The following SCN9A variants were observed in gnomAD, a reference collection of about 807,000 sequenced individuals.
SCN9A encodes sodium channel protein type 9 subunit alpha.
SCN9A carries 131 observed loss-of-function variants against 187.0 expected under a neutral mutation model. The ratio of observed to expected loss-of-function variants is 0.70; its 90% CI spans 0.61 to 0.81. The LOEUF is 0.81. SCN9A is among the 30% of genes least tolerant of loss of function. The pLI is 0.00. For synonymous variants in SCN9A, 809 were observed against 808.6 expected, an observed-to-expected ratio of 1.00 and a Z score of -0.01; for missense variants, 2,252 against 2,396.6, an observed-to-expected ratio of 0.94 and a Z score of 1.26.
At chr2:166,346,753 G>A (rs976254243) in intron 1 of SCN9A, among the ~76,000 whole-genome samples, 6 of 152,250 alleles carry the variant, frequency 3.9e-5, no homozygotes, top group South Asian at 2.1e-4. Flanking sequence ...TCTCTAAAGC[G>A]TGGGTTCAGG....
chr2:166,363,545 A>G (rs997011067), intron 1 of SCN9A, among the ~76,000 whole-genome samples: 4 of 152,114 alleles, frequency 2.6e-5, no homozygotes, highest in African/African-American at 9.6e-5. Context: ...AAAAAACAGA[A>G]CAAAACAAAA....
Position 166,227,569 on chromosome 2 carries a change from G to T in SCN9A, c.4260+101C>A, listed in dbSNP as rs114433542. 6.1e-3 allele frequency: 4,542 copies of T among 740,454 alleles called. 165 individuals are homozygous for T. The African/African-American group carries it at 0.072, about 12-fold the overall frequency. The allele number at this position is 740,454 out of a possible 1,614,324, so 45.9% of individuals were successfully genotyped here. A position where few individuals can be genotyped will look rare whatever the true frequency, so the allele number is the denominator to read the frequency against. On this transcript the variant is annotated intron_variant, in intron 23 of 26. Transcript: ENST00000642356. ...CAGGTGGATGTTCTTCATTGTCTAT[G>T]TGAGTCCCAAGGGCTTCATGAAGTT... is the stretch of plus-strand genomic sequence containing the variant.
chr2:166,267,801 T>A (rs1207676720), intron 17 of SCN9A, among the ~76,000 whole-genome samples: 1 of 151,948 alleles, frequency 6.6e-6, no homozygotes, highest in Non-Finnish European at 1.5e-5. Context: ...TTGTATGTGT[T>A]GAGTAATTTA....
At chr2:166,336,213 A>T (rs1291768163) in intron 1 of SCN9A, among the ~76,000 whole-genome samples, 3 of 152,142 alleles carry the variant, frequency 2.0e-5, no homozygotes, top group African/African-American at 4.8e-5. Context: ...TCTCATTTGT[A>T]GAGGTAAACA....
chr2:166,311,974 G>A (rs1308234252), intron 1 of SCN9A, among the ~76,000 whole-genome samples, 168 bp from the exon 2 acceptor site: 1 of 152,080 alleles, frequency 6.6e-6, no homozygotes, highest in Admixed American at 6.5e-5. Flanking sequence ...CAATGGGCGG[G>A]ACTTATCTTT....
intron 20 of SCN9A, among the ~76,000 whole-genome samples, chr2:166,233,992 C>G (rs1327514395): frequency 6.6e-6 from 1 of 151,974 alleles, no homozygotes; most frequent in Non-Finnish European, 1.5e-5. Context: ...AAGATTAGCA[C>G]CAAAGATCTA....
intron 24 of SCN9A, among the ~76,000 whole-genome samples, chr2:166,216,208 C>T (rs1305740609): frequency 6.6e-6 from 1 of 151,934 alleles, no homozygotes; most frequent in Non-Finnish European, 1.5e-5. Context: ...AAAATCTCAA[C>T]AAAGCAGATA....
In SCN9A at chr2:166,291,701, A is replaced by T. The variant is rs1698078734; in HGVS notation, c.1107+1530T>A. Among the ~76,000 whole-genome samples the T allele has an allele frequency of 2.0e-5, 3 of 152,242 alleles. No individual in the cohort carries two copies. The South Asian group carries it at 6.2e-4, about 31-fold the overall frequency. On this transcript the variant is annotated intron_variant, in intron 9 of 26. Transcript: ENST00000642356. ...ATGAGGTTACAGTAACCAAAACAGC[A>T]TGGTAGTGGTACCCAAACAGACATA... is the stretch of plus-strand genomic sequence containing the variant.
intron 20 of SCN9A, among the ~76,000 whole-genome samples, chr2:166,235,823 GTTGT>G (rs558181565): frequency 2.1e-3 from 321 of 152,168 alleles, no homozygotes; most frequent in African/African-American, 7.5e-3. Context: ...TCAAATTGGA[GTTGT>G]TTATCTCCCT....
At chr2:166,279,423 C>A (rs1021849088) in intron 14 of SCN9A, among the ~76,000 whole-genome samples, 1 of 152,076 alleles carries the variant, frequency 6.6e-6, no homozygotes, top group Admixed American at 6.6e-5. Flanking sequence ...GATTCTCTGG[C>A]CCTAAAAATG....
chr2:166,277,944 C>A (rs948652245), intron 15 of SCN9A, 196 bp downstream of exon 15: 27 of 500,108 alleles, frequency 5.4e-5, no homozygotes, highest in African/African-American at 4.6e-4. Context: ...TTGAGCATGT[C>A]TTCAAAAATT....
Position 166,272,581 on chromosome 2 carries a change from C to G in SCN9A, c.3169G>C (p.Asp1057His), listed in dbSNP as rs370892430. 1 of 1,613,344 alleles carries G rather than the reference C, an allele frequency of 6.2e-7. No individual in the cohort carries two copies. The highest frequency in any genetic ancestry group is 1.3e-5 in the African/African-American group (1 of 74,888). ...CTGCTTCCAAAACCACTGATTTTAT[C>G]TTTTTCCTTGAGGAAATTGTGACCT... ...SKGHNFLKEK[D>H]KISGFGSSVD... Residue 1057 changes from aspartate (D) to histidine (H), a missense_variant, in exon 17 of 27, where the codon GAT (aspartate) becomes CAT (histidine). Around this residue, in one of 7 missense-constraint regions of SCN9A, gnomAD observed 313 missense variants for 295.3 expected, o/e 1.06. Transcript: ENST00000642356.
intron 17 of SCN9A, among the ~76,000 whole-genome samples, chr2:166,265,587 G>T (rs1212756941): frequency 1.3e-5 from 2 of 151,790 alleles, no homozygotes. Flanking sequence ...ACTTAGTATT[G>T]GGACTGCTGG....
intron 17 of SCN9A, among the ~76,000 whole-genome samples, chr2:166,256,545 C>G (rs549526797): frequency 1.3e-5 from 2 of 151,566 alleles, no homozygotes; most frequent in Admixed American, 1.3e-4. Context: ...AGAAAATTGT[C>G]AGTTTATTAA....
chr2:166,205,053 AAGACTCAATATC>A (rs1693732453), intron 24 of SCN9A: 1 of 152,234 alleles, frequency 6.6e-6, no homozygotes, highest in Non-Finnish European at 1.5e-5. Context: ...CATGGATAGG[AAGACTCAATATC>A]ATGAAAATGG....
chr2:166,288,340 A>ATT, intron 10 of SCN9A, 97 bp downstream of exon 10: 1 of 920,194 alleles, frequency 1.1e-6, no homozygotes, highest in East Asian at 2.5e-5. Flanking sequence ...CATTAAAGAA[A>ATT]ATCTAGCTGG....
chr2:166,290,123 G>A lies in SCN9A; in HGVS notation c.1108-1480C>T, dbSNP rs183116979. On this transcript the variant is annotated intron_variant, in intron 9 of 26. Transcript: ENST00000642356. ...GTTGTTCCCCTCCCTGTGTCCATGTGTTCAAATTGTTCAACTCCCACTTAT... is the reference window on the plus strand; with the variant it reads ...GTTGTTCCCCTCCCTGTGTCCATGTATTCAAATTGTTCAACTCCCACTTAT... 3.4e-3 allele frequency among the ~76,000 whole-genome samples: 513 copies of A among 151,356 alleles called. 5 individuals are homozygous for A. Among genetic ancestry groups the A allele is most frequent in the Middle Eastern group, 0.024 (7 of 294 alleles).
chr2:166,294,508 T>A, intron 8 of SCN9A, 91 bp downstream of exon 8: 1 of 837,064 alleles, frequency 1.2e-6, no homozygotes, highest in African/African-American at 1.7e-5. Context: ...TAAAAAGCAA[T>A]ATAGAATCAA....
rs199566502 is a variant in SCN9A at position 166,198,471 on chromosome 2, A to G, written c.*201T>C. 3 of 543,654 alleles carry G rather than the reference A, an allele frequency of 5.5e-6. No individual in the cohort carries two copies. Among genetic ancestry groups the G allele is most frequent in the South Asian group, 5.6e-5 (2 of 35,546 alleles). 33.7% of individuals were successfully genotyped at this position (543,654 alleles called of 1,614,324 possible). On this transcript the variant is annotated 3_prime_UTR_variant, in exon 27 of 27. Coordinates refer to ENST00000642356, the MANE Select transcript of SCN9A (RefSeq NM_001365536.1). ...TCAATAATTCCTACAGAGTTCTCTT[A>G]CGATTCTTAAAGAATCATCAGTGCA...
Sources: allele counts gnomAD v4.1 joint callset (sites outside exome capture counted in the v4.1 genomes callset), GRCh38; gene constraint gnomAD v4.1.1; regional missense constraint gnomAD v4.1.1; transcripts MANE v1.5; gene names NCBI Gene and HGNC (gene_info 2026-07-23, HGNC 2026-07-21).